PTPRE: variants seen among roughly 807,000 people sequenced by gnomAD.
The protein encoded by PTPRE is protein tyrosine phosphatase receptor type E, also known as receptor-type tyrosine-protein phosphatase epsilon.
PTPRE carries 51 observed loss-of-function variants against 102.0 expected under a neutral mutation model. The observed-to-expected ratio is 0.50, with a 90% CI of 0.40 to 0.63. PTPRE has a LOEUF of 0.63. PTPRE is among the 30% of genes least tolerant of loss of function. The pLI is 0.00. For synonymous variants in PTPRE, 345 were observed against 348.2 expected (o/e 0.99, Z 0.10); for missense variants, 752 against 915.1 (o/e 0.82, Z 2.30).
chr10:127,954,769 G>A (rs1218213922), intron 1 of PTPRE, among the ~76,000 whole-genome samples: 4 of 151,940 alleles, frequency 2.6e-5, no homozygotes, highest in Non-Finnish European at 4.4e-5. Flanking sequence ...GGGATTCACA[G>A]GTCCAGGAAT....
intron 1 of PTPRE, among the ~76,000 whole-genome samples, chr10:127,961,817 G>A (rs1189360512): frequency 6.6e-6 from 1 of 152,176 alleles, no homozygotes; most frequent in Non-Finnish European, 1.5e-5. Context: ...AACCCAGGCT[G>A]TCTTGCTCAT....
At chr10:128,011,601 C>T (rs1017065180) in intron 2 of PTPRE, among the ~76,000 whole-genome samples, 2 of 152,258 alleles carry the variant, frequency 1.3e-5, no homozygotes, top group East Asian at 1.9e-4. Flanking sequence ...ATCCCTAATG[C>T]TTCCAAATTC....
At chr10:128,032,873 A>G (rs1846888836) in intron 2 of PTPRE, among the ~76,000 whole-genome samples, 1 of 152,164 alleles carries the variant, frequency 6.6e-6, no homozygotes, top group African/African-American at 2.4e-5. Context: ...TGAATCTGCA[A>G]CTCTATTTAA....
chr10:127,920,967 C>T (rs1366726601), intron 1 of PTPRE, among the ~76,000 whole-genome samples: 2 of 152,200 alleles, frequency 1.3e-5, no homozygotes, highest in South Asian at 2.1e-4. Context: ...TTGGCTCTGA[C>T]GAGCCAGGCT....
Position 127,975,674 on chromosome 10 carries a change from C to T in PTPRE, c.-30-6600C>T, listed in dbSNP as rs544154567. ...GAGTATTAGAGATCAATCATTTTCT[C>T]TGGGGCTCACTGAACAGGAATTAGC... On this transcript the variant is annotated intron_variant, in intron 1 of 20. Coordinates refer to ENST00000254667, the MANE Select transcript of PTPRE (RefSeq NM_006504.6). 1.4e-4 allele frequency among the ~76,000 whole-genome samples: 22 copies of T among 152,318 alleles called. No individual in the cohort carries two copies. In the South Asian group the frequency reaches 4.4e-3, roughly 30 times the overall value.
intron 13 of PTPRE, 97 bp downstream of exon 13, chr10:128,069,924 G>A (rs1351188040): frequency 1.1e-5 from 18 of 1,577,452 alleles, no homozygotes; most frequent in African/African-American, 1.3e-5. Flanking sequence ...TGATGGGCAC[G>A]TGGCAACCAG....
chr10:128,065,299 G>T (rs1379810379), intron 10 of PTPRE, among the ~76,000 whole-genome samples: 1 of 152,226 alleles, frequency 6.6e-6, no homozygotes, highest in Admixed American at 6.5e-5. Context: ...CTACTGGCAG[G>T]CTTGTTCCAT....
At chr10:127,982,756 G>T (rs976767952) in intron 2 of PTPRE, among the ~76,000 whole-genome samples, 1 of 152,140 alleles carries the variant, frequency 6.6e-6, no homozygotes, top group Non-Finnish European at 1.5e-5. Flanking sequence ...AGCTTCTCCG[G>T]ATTGCATGCT....
chr10:127,929,486 C>T (rs1170117541), intron 1 of PTPRE: 1 of 152,152 alleles, frequency 6.6e-6, no homozygotes, highest in Non-Finnish European at 1.5e-5. Context: ...GGTCCAGGTA[C>T]AGAGGACACA....
At position 128,082,008 on chromosome 10, in the gene PTPRE, T is replaced by A. The variant is rs141716803; in HGVS notation, c.2029-824T>A. ...TGGCCTCTCCGGCTTTCCAAGCCCCTGTCCCGGCCCCAAACTCACATATCC... is the reference window on the plus strand; with the variant it reads ...TGGCCTCTCCGGCTTTCCAAGCCCCAGTCCCGGCCCCAAACTCACATATCC... On this transcript the variant is annotated intron_variant, in intron 20 of 20. Coordinates refer to ENST00000254667, the MANE Select transcript of PTPRE (RefSeq NM_006504.6). Among the ~76,000 whole-genome samples the A allele has an allele frequency of 2.9e-4, 44 of 152,288 alleles. No homozygotes were observed. In the East Asian group the frequency reaches 7.7e-3, roughly 27 times the overall value.
At chr10:127,994,430 A>G (rs925461229) in intron 2 of PTPRE, among the ~76,000 whole-genome samples, 3 of 152,146 alleles carry the variant, frequency 2.0e-5, no homozygotes, top group African/African-American at 7.2e-5. Flanking sequence ...GAACTGTGGT[A>G]TTTACCCATT....
intron 18 of PTPRE, 132 bp downstream of exon 18, chr10:128,076,860 G>T: frequency 1.6e-6 from 2 of 1,282,240 alleles, no homozygotes; most frequent in Non-Finnish European, 2.2e-6. Context: ...CATTGGCTAT[G>T]AATGGCCAAT....
intron 2 of PTPRE, among the ~76,000 whole-genome samples, chr10:128,024,352 T>C (rs1209750463): frequency 6.6e-6 from 1 of 152,212 alleles, no homozygotes; most frequent in African/African-American, 2.4e-5. Context: ...CCATTGGGCT[T>C]GTTGGTTGTT....
chr10:127,993,003 A>T (rs567623768), intron 2 of PTPRE, among the ~76,000 whole-genome samples: 1 of 152,240 alleles, frequency 6.6e-6, no homozygotes, highest in South Asian at 2.1e-4. Flanking sequence ...TCTGCTGTGT[A>T]TATCACAGTG....
At chr10:127,964,468 G>A (rs1224292431) in intron 1 of PTPRE, among the ~76,000 whole-genome samples, 3 of 152,110 alleles carry the variant, frequency 2.0e-5, no homozygotes, top group Admixed American at 6.6e-5. Flanking sequence ...ACCATACCCG[G>A]CCTCCTTTGC....
chr10:127,992,223 A>T (rs1781351059), intron 2 of PTPRE, among the ~76,000 whole-genome samples: 1 of 152,078 alleles, frequency 6.6e-6, no homozygotes, highest in African/African-American at 2.4e-5. Context: ...ATGACCAGAA[A>T]AGGAGCAGAG....
chr10:128,028,683 C>T lies in PTPRE; in HGVS notation c.-7-12192C>T, dbSNP rs930493675. ...CCGCCGGGGCCCAGGGTTCCTTGGTCTTGGGTTCTGATGCCTTCATTCCCA... is the reference window on the plus strand; with the variant it reads ...CCGCCGGGGCCCAGGGTTCCTTGGTTTTGGGTTCTGATGCCTTCATTCCCA... On this transcript the variant is annotated intron_variant, in intron 2 of 20. Transcript: ENST00000254667. The surrounding 1 kb of genome is among the most constrained non-coding windows in gnomAD (Gnocchi z 4.5). Among the ~76,000 whole-genome samples the T allele has an allele frequency of 1.3e-5, 2 of 152,046 alleles. No homozygotes were observed. The highest frequency in any genetic ancestry group is 2.9e-5 in the Non-Finnish European group (2 of 67,988).
At chr10:127,943,285 A>T (rs1848381293) in intron 1 of PTPRE, among the ~76,000 whole-genome samples, 1 of 152,172 alleles carries the variant, frequency 6.6e-6, no homozygotes, top group East Asian at 1.9e-4. Flanking sequence ...GATGATTTTT[A>T]AAATTATTTA....
chr10:128,000,230 G>A (rs1853729471), intron 2 of PTPRE, among the ~76,000 whole-genome samples: 1 of 152,142 alleles, frequency 6.6e-6, no homozygotes, highest in African/African-American at 2.4e-5. Context: ...CCTGTTTTAT[G>A]TCTTCATTAA....
Sources: allele counts gnomAD v4.1 joint callset (sites outside exome capture counted in the v4.1 genomes callset), GRCh38; gene constraint gnomAD v4.1.1; non-coding constraint Gnocchi (gnomAD v3.1); transcripts MANE v1.5; gene names NCBI Gene and HGNC (gene_info 2026-07-23, HGNC 2026-07-21).